The following LASP1 variants were observed in gnomAD, a reference collection of about 807,000 sequenced individuals.
LASP1 encodes LIM and SH3 domain protein 1.
In LASP1, 10 loss-of-function variants were observed where a neutral mutation model predicts 38.6. The ratio of observed to expected loss-of-function variants is 0.26; its 90% CI spans 0.16 to 0.44. The LOEUF (loss-of-function observed/expected upper bound fraction) is 0.44, where lower values mean the gene tolerates loss of function less well. Ranked by LOEUF, LASP1 falls within the 20% of genes least tolerant of loss-of-function variation. The probability of loss-of-function intolerance (pLI) is 1.00; values close to 1 mark genes in which losing one functional copy is unlikely to be tolerated. For missense variants in LASP1, 243 were observed against 375.7 expected, an observed-to-expected ratio of 0.65 and a Z score of 2.92; for synonymous variants, 132 against 140.8, an observed-to-expected ratio of 0.94 and a Z score of 0.44.
intron 2 of LASP1, among the ~76,000 whole-genome samples, chr17:38,878,959 TC>T (rs1216145573): frequency 6.6e-6 from 1 of 151,640 alleles, no homozygotes; most frequent in East Asian, 1.9e-4. Context: ...GAGGAATACC[TC>T]CCCTCCCATC....
intron 4 of LASP1, among the ~76,000 whole-genome samples, chr17:38,912,101 C>T (rs1193727307): frequency 6.6e-6 from 1 of 152,204 alleles, no homozygotes; most frequent in Non-Finnish European, 1.5e-5. Context: ...GCCTCACCAC[C>T]CGCCTTTCTT....
chr17:38,915,485 C>T, intron 6 of LASP1: 1 of 191,946 alleles, frequency 5.2e-6, no homozygotes, highest in Non-Finnish European at 1.1e-5. Flanking sequence ...ATGAGGATGG[C>T]CCCCACATCC....
At position 38,921,110 on chromosome 17, in the gene LASP1, C is replaced by A. The variant is rs1346989484; in HGVS notation, c.*2332C>A. 4 of 230,088 alleles carry A rather than the reference C, an allele frequency of 1.7e-5. No homozygotes were observed. Among genetic ancestry groups the A allele is most frequent in the African/African-American group, 6.6e-5 (3 of 45,196 alleles). 14.3% of individuals were successfully genotyped at this position (230,088 alleles called of 1,614,324 possible). Reference sequence around the variant, plus strand: ...GAGAGGAGGGACTGTCACACTGGTGCTGAGTGACCGGGGGCTGCTGGGCGT... The same window carrying A: ...GAGAGGAGGGACTGTCACACTGGTGATGAGTGACCGGGGGCTGCTGGGCGT... On this transcript the variant is annotated 3_prime_UTR_variant, in exon 7 of 7. Transcript: ENST00000318008.
chr17:38,894,835 T>G (rs1914440821), intron 3 of LASP1, among the ~76,000 whole-genome samples: 1 of 152,086 alleles, frequency 6.6e-6, no homozygotes, highest in African/African-American at 2.4e-5. Flanking sequence ...CTTCCCAGAC[T>G]CAAGCGATTT....
At chr17:38,893,001 G>GTGTGTGTGTGTGCAAGCATGCACGCA (rs1914383543) in intron 3 of LASP1, among the ~76,000 whole-genome samples, 2 of 151,706 alleles carry the variant, frequency 1.3e-5, no homozygotes, top group South Asian at 4.1e-4. Flanking sequence ...GCGTGTATGT[G>GTGTGTGTGTGTGCAAGCATGCACGCA]TGTGTGTGTG....
At position 38,904,815 on chromosome 17, in the gene LASP1, G is replaced by C. The variant is rs998426636; in HGVS notation, c.357+6296G>C. On this transcript the variant is annotated intron_variant, in intron 4 of 6. Coordinates refer to ENST00000318008, the MANE Select transcript of LASP1 (RefSeq NM_006148.4). ...TAATGAGCTTCAGTCTTTAGAGTCT[G>C]GGCCTAATCAATAGTAAATAGTCAA... Among the ~76,000 whole-genome samples, 6 of 152,186 alleles carry C rather than the reference G, an allele frequency of 3.9e-5. No homozygotes were observed. In the South Asian group the frequency reaches 1.2e-3, roughly 32 times the overall value.
intron 3 of LASP1, among the ~76,000 whole-genome samples, chr17:38,895,763 G>A (rs1914469601): frequency 6.6e-6 from 1 of 152,214 alleles, no homozygotes; most frequent in Non-Finnish European, 1.5e-5. Context: ...CCTCCTGTCT[G>A]CTGGGATGAG....
At chr17:38,913,686 C>G (rs1242538034) in intron 4 of LASP1, among the ~76,000 whole-genome samples, 1 of 152,062 alleles carries the variant, frequency 6.6e-6, no homozygotes, top group Admixed American at 6.6e-5. Flanking sequence ...AGAGCAGCCC[C>G]GCCCCTGCCG....
intron 6 of LASP1, among the ~76,000 whole-genome samples, chr17:38,917,985 C>A (rs1915180848): frequency 6.6e-6 from 1 of 151,952 alleles, no homozygotes; most frequent in South Asian, 2.1e-4. Context: ...CAAAAAAGTA[C>A]AAAAATTAGC....
chr17:38,921,175 G>T lies in LASP1; in HGVS notation c.*2397G>T, dbSNP rs2077514928. 4.4e-6 allele frequency: 1 copy of T among 229,594 alleles called. No homozygotes were observed. Among genetic ancestry groups the T allele is most frequent in the Non-Finnish European group, 8.6e-6 (1 of 115,672 alleles). The allele number at this position is 229,594 out of a possible 1,614,324, so 14.2% of individuals were successfully genotyped here. The stretch of plus-strand genomic sequence containing the variant: ...AACCATCCATCCCTAGAAGAGCACA[G>T]AGCCCTGAGGGGCTGGGCTGGGCTG... On this transcript the variant is annotated 3_prime_UTR_variant, in exon 7 of 7. Coordinates refer to ENST00000318008, the MANE Select transcript of LASP1 (RefSeq NM_006148.4).
At chr17:38,891,424 G>A (rs1254721225) in intron 3 of LASP1, among the ~76,000 whole-genome samples, 2 of 152,088 alleles carry the variant, frequency 1.3e-5, no homozygotes, top group African/African-American at 4.8e-5. Flanking sequence ...AACCGACCCT[G>A]CCTTTTGTCA....
Position 38,918,586 on chromosome 17 carries a change from G to T in LASP1, c.613-19G>T. Reference sequence around the variant, plus strand: ...GAGCCGGCATGCAGGGCCCTAGGCTGACCACACTTCCCCCACAGAAGCGGT... The same window carrying T: ...GAGCCGGCATGCAGGGCCCTAGGCTTACCACACTTCCCCCACAGAAGCGGT... On this transcript the variant is annotated intron_variant, in intron 6 of 6. Transcript: ENST00000318008. This position sits in a 1 kb window ranked among gnomAD's most constrained non-coding sequence, Gnocchi z 4.4. The T allele has an allele frequency of 6.4e-7, 1 of 1,573,472 alleles. No individual in the cohort carries two copies. Among genetic ancestry groups the T allele is most frequent in the South Asian group, 1.2e-5 (1 of 86,630 alleles).
chr17:38,874,977 T>G (rs1913719061), intron 1 of LASP1, among the ~76,000 whole-genome samples: 1 of 151,652 alleles, frequency 6.6e-6, no homozygotes, highest in Non-Finnish European at 1.5e-5. Flanking sequence ...GGAGTAGGGG[T>G]CTCTCTCCCT....
In LASP1 at chr17:38,900,380, C is replaced by CA. The variant is rs55996334; in HGVS notation, c.357+1872dup. Among the ~76,000 whole-genome samples, 102 of 113,548 alleles carry CA rather than the reference C, an allele frequency of 9.0e-4. 3 individuals are homozygous for CA. Among genetic ancestry groups the CA allele is most frequent in the African/African-American group, 2.3e-3 (70 of 29,940 alleles). The allele number at this position is 113,548 out of a possible 152,430, so 74.5% of individuals were successfully genotyped here. On this transcript the variant is annotated intron_variant, in intron 4 of 6. Coordinates refer to ENST00000318008, the MANE Select transcript of LASP1 (RefSeq NM_006148.4). ...GGGAAACCGAGTGAGACCCTGTTTC[C>CA]AAAAAAAAAAAGGACCAGGCGCGGT...
rs758688226 is a variant in LASP1 at position 38,919,120 on chromosome 17, C to T, written c.*342C>T. On this transcript the variant is annotated 3_prime_UTR_variant, in exon 7 of 7. Transcript: ENST00000318008. ...CCTCACATCCTCCTGCCCAGCTCCT[C>T]ACATACCCACACATTCCAGGGCTGG... is the stretch of plus-strand genomic sequence containing the variant. 2.8e-6 allele frequency: 1 copy of T among 359,620 alleles called. No individual in the cohort carries two copies. The highest frequency in any genetic ancestry group is 5.2e-6 in the Non-Finnish European group (1 of 192,694). 22.3% of individuals were successfully genotyped at this position (359,620 alleles called of 1,614,324 possible). A position where few individuals can be genotyped will look rare whatever the true frequency, so the allele number is the denominator to read the frequency against.
intron 2 of LASP1, among the ~76,000 whole-genome samples, chr17:38,889,575 A>C (rs999841193): frequency 1.3e-5 from 2 of 152,232 alleles, no homozygotes; most frequent in Admixed American, 1.3e-4. Flanking sequence ...TCATAGGTCA[A>C]AAAGCAGTCA....
rs1224798305 is a variant in LASP1, at chr17:38,918,369, A to G, written c.613-236A>G. 1.3e-5 allele frequency among the ~76,000 whole-genome samples: 2 copies of G among 152,112 alleles called. No homozygotes were observed. Among genetic ancestry groups the G allele is most frequent in the African/African-American group, 4.8e-5 (2 of 41,414 alleles). On this transcript the variant is annotated intron_variant, in intron 6 of 6. Coordinates refer to ENST00000318008, the MANE Select transcript of LASP1 (RefSeq NM_006148.4). This position sits in a 1 kb window ranked among gnomAD's most constrained non-coding sequence, Gnocchi z 4.4. Reference sequence around the variant, plus strand: ...AGGGAGGTGGGGCAGAGCTGATGTGACCCGGTCCCTGCTCTGCCTCTGGCC... The same window carrying G: ...AGGGAGGTGGGGCAGAGCTGATGTGGCCCGGTCCCTGCTCTGCCTCTGGCC...
chr17:38,920,202 C>A lies in LASP1; in HGVS notation c.*1424C>A. 1 of 501,968 alleles carries A rather than the reference C, an allele frequency of 2.0e-6. No individual in the cohort carries two copies. The highest frequency in any genetic ancestry group is 2.4e-5 in the Admixed American group (1 of 41,640). 31.1% of individuals were successfully genotyped at this position (501,968 alleles called of 1,614,324 possible). A position where few individuals can be genotyped will look rare whatever the true frequency, so the allele number is the denominator to read the frequency against. On this transcript the variant is annotated 3_prime_UTR_variant, in exon 7 of 7. Coordinates refer to ENST00000318008, the MANE Select transcript of LASP1 (RefSeq NM_006148.4). ...TAAGCGGTGGAGGAAGGCTCTGTCA[C>A]TCCAGGCATATGTTTCCCCATCTCT...
At chr17:38,903,202 G>T (rs1914691293) in intron 4 of LASP1, among the ~76,000 whole-genome samples, 1 of 152,166 alleles carries the variant, frequency 6.6e-6, no homozygotes, top group Admixed American at 6.5e-5. Flanking sequence ...GAGGTAGGAA[G>T]AGATGGTAAG....
Sources: gnomAD v4.1 joint callset for allele counts (sites outside exome capture counted in the v4.1 genomes callset) on GRCh38, gnomAD v4.1.1 for gene constraint, Gnocchi (gnomAD v3.1) non-coding constraint, MANE v1.5 for transcripts, NCBI Gene and HGNC (gene_info 2026-07-23, HGNC 2026-07-21) for gene names.